MICU1: variants seen among roughly 807,000 people sequenced by gnomAD.
MICU1 encodes calcium uptake protein 1, mitochondrial.
Under a neutral mutation model 56.8 loss-of-function variants are expected in MICU1, and 45 were observed. That is an observed-to-expected ratio of 0.79 (90% confidence interval 0.62 to 1.02). The LOEUF (loss-of-function observed/expected upper bound fraction) is 1.02, where lower values mean the gene tolerates loss of function less well. Ranked by LOEUF, MICU1 falls within the 50% of genes least tolerant of loss-of-function variation. The probability of loss-of-function intolerance (pLI) is 0.00; values close to 1 mark genes in which losing one functional copy is unlikely to be tolerated. For synonymous variants in MICU1, 186 were observed against 195.1 expected (o/e 0.95, Z 0.39); for missense variants, 504 against 587.1 (o/e 0.86, Z 1.46).
intron 6 of MICU1, among the ~76,000 whole-genome samples, chr10:72,490,426 T>C (rs1467218713): frequency 6.6e-6 from 1 of 152,174 alleles, no homozygotes; most frequent in African/African-American, 2.4e-5. Flanking sequence ...GTATCTTTGG[T>C]ACCTCAGCAA....
chr10:72,429,791 A>G (rs1449571096), intron 8 of MICU1, among the ~76,000 whole-genome samples: 1 of 152,224 alleles, frequency 6.6e-6, no homozygotes, highest in African/African-American at 2.4e-5. Flanking sequence ...AATCAGTAAC[A>G]TATCTGAGTG....
intron 8 of MICU1, among the ~76,000 whole-genome samples, chr10:72,435,385 C>CA (rs34955776): frequency 0.089 from 4,253 of 47,974 alleles, 313 homozygotes; most frequent in Non-Finnish European, 0.12. Context: ...GACCCTGTTA[C>CA]AAAAAAAAAA....
intron 10 of MICU1, among the ~76,000 whole-genome samples, chr10:72,395,028 A>G (rs1386070778): frequency 6.6e-6 from 1 of 151,914 alleles, no homozygotes; most frequent in Admixed American, 6.6e-5. Context: ...AAAATACAAA[A>G]TTTAGCTGGG....
chr10:72,606,469 C>T (rs538667084), intron 1 of MICU1, among the ~76,000 whole-genome samples: 9 of 151,814 alleles, frequency 5.9e-5, no homozygotes, highest in South Asian at 4.2e-4. Flanking sequence ...GCTGAGATCC[C>T]GCCATTATAC....
At chr10:72,440,558 T>A (rs187503859) in intron 8 of MICU1, among the ~76,000 whole-genome samples, 1 of 152,140 alleles carries the variant, frequency 6.6e-6, no homozygotes, top group Non-Finnish European at 1.5e-5. Flanking sequence ...TGGGATCTAA[T>A]TAAACTAAAG....
At chr10:72,546,835 T>C (rs1431396873) in intron 4 of MICU1, among the ~76,000 whole-genome samples, 1 of 150,890 alleles carries the variant, frequency 6.6e-6, no homozygotes, top group African/African-American at 2.4e-5. Flanking sequence ...AAGTGATCCC[T>C]CCACCTCAGC....
At chr10:72,602,883 G>A (rs200786918) in intron 1 of MICU1, among the ~76,000 whole-genome samples, 3 of 152,286 alleles carry the variant, frequency 2.0e-5, no homozygotes, top group East Asian at 1.9e-4. Flanking sequence ...CGAGGCAGGC[G>A]GATCACGAGG....
At chr10:72,436,063 T>C (rs1390597296) in intron 8 of MICU1, among the ~76,000 whole-genome samples, 1 of 152,240 alleles carries the variant, frequency 6.6e-6, no homozygotes, top group Admixed American at 6.5e-5. Flanking sequence ...GTTTGAGCTC[T>C]GAAAATGGAC....
intron 10 of MICU1, among the ~76,000 whole-genome samples, chr10:72,405,576 C>A (rs76047064): frequency 2.1e-3 from 272 of 129,216 alleles, no homozygotes; most frequent in Middle Eastern, 3.9e-3. Context: ...AAAGACATTA[C>A]AAAAAAAAAA....
At chr10:72,574,463 G>A (rs557370398) in intron 1 of MICU1, among the ~76,000 whole-genome samples, 186 of 152,098 alleles carry the variant, frequency 1.2e-3, no homozygotes, top group Non-Finnish European at 2.3e-3. Flanking sequence ...AGGTTGCAGT[G>A]AGCTGAGATT....
intron 1 of MICU1, among the ~76,000 whole-genome samples, chr10:72,568,677 G>C (rs1476728246): frequency 6.6e-6 from 1 of 151,842 alleles, no homozygotes; most frequent in Non-Finnish European, 1.5e-5. Flanking sequence ...CAAAGATTTG[G>C]GTGTTGTTTG....
intron 1 of MICU1, among the ~76,000 whole-genome samples, chr10:72,573,172 C>T (rs1317576436): frequency 6.6e-6 from 1 of 151,694 alleles, no homozygotes; most frequent in African/African-American, 2.4e-5. Context: ...ATAGTGTTAT[C>T]TTTTTAAAAG....
At chr10:72,371,827 G>A (rs1483777790) in intron 11 of MICU1, among the ~76,000 whole-genome samples, 1 of 152,026 alleles carries the variant, frequency 6.6e-6, no homozygotes, top group African/African-American at 2.4e-5. Flanking sequence ...AGGTTGAGGT[G>A]GGAGTATCAT....
chr10:72,564,704 C>A (rs934439195), intron 2 of MICU1, among the ~76,000 whole-genome samples: 30 of 151,832 alleles, frequency 2.0e-4, no homozygotes, highest in African/African-American at 5.3e-4. Flanking sequence ...ACCTGAGGTG[C>A]CTGGAATTGG....
Position 72,568,310 on chromosome 10 carries a change from C to A in MICU1, c.-1-1516G>T, listed in dbSNP as rs141919962. On this transcript the variant is annotated intron_variant, in intron 1 of 11. Coordinates refer to ENST00000361114, the MANE Select transcript of MICU1 (RefSeq NM_001195518.2). ...AATACTTACTCTTCCATCCCCCATC[C>A]CTTAGGCAAAATTACTTTTCTACTT... Among the ~76,000 whole-genome samples the A allele has an allele frequency of 9.6e-4, 146 of 152,276 alleles. 3 individuals are homozygous for A. Among genetic ancestry groups the A allele is most frequent in the African/African-American group, 2.9e-3 (121 of 41,552 alleles).
At position 72,609,733 on chromosome 10, in the gene MICU1, C is replaced by CAA. The variant is rs1248783651; in HGVS notation, c.-2+16275_-2+16276dup. ...TGGGCAACAGAGCCAGACCCCGTCT[C>CAA]AAAAAAAAAAAAAAAATGGTGGCCG... On this transcript the variant is annotated intron_variant, in intron 1 of 11. Transcript: ENST00000361114. Among the ~76,000 whole-genome samples the CAA allele has an allele frequency of 8.7e-5, 9 of 103,042 alleles. No homozygotes were observed. The South Asian group carries it at 1.8e-3, about 21-fold the overall frequency. 67.6% of individuals were successfully genotyped at this position (103,042 alleles called of 152,430 possible).
chr10:72,477,409 A>T, intron 6 of MICU1, 153 bp from the exon 7 acceptor site: 1 of 1,241,828 alleles, frequency 8.1e-7, no homozygotes, highest in Non-Finnish European at 1.1e-6. Flanking sequence ...ATGAAACTGC[A>T]TTTATTGAGA....
chr10:72,613,973 C>T (rs756711913), intron 1 of MICU1, among the ~76,000 whole-genome samples: 7 of 152,008 alleles, frequency 4.6e-5, no homozygotes, highest in Non-Finnish European at 7.4e-5. Context: ...GGCGAAACCC[C>T]GTCTCAATTA....
At chr10:72,528,816 G>A (rs1181895061) in intron 5 of MICU1, 3 of 183,680 alleles carry the variant, frequency 1.6e-5, no homozygotes, top group South Asian at 1.5e-4. Flanking sequence ...AATAAAGCAC[G>A]AAGAAGTATT....
Sources: allele counts gnomAD v4.1 joint callset (sites outside exome capture counted in the v4.1 genomes callset), GRCh38; gene constraint gnomAD v4.1.1; transcripts MANE v1.5; gene names NCBI Gene and HGNC (gene_info 2026-07-23, HGNC 2026-07-21).